Variants in RORA observed in about 807,000 individuals in gnomAD.
RORA encodes the protein RAR related orphan receptor A, also known as nuclear receptor ROR-alpha.
A neutral mutation model predicts 69.5 loss-of-function variants in RORA; 7 were observed. The observed-to-expected ratio is 0.10, with a 90% CI of 0.06 to 0.19. The LOEUF is 0.19. Among genes scored for constraint, RORA ranks in the 10% least tolerant of loss-of-function variants. RORA has a pLI of 1.00. For missense variants in RORA, 457 were observed against 663.0 expected (o/e 0.69, Z 3.41); for synonymous variants, 261 against 240.8 (o/e 1.08, Z -0.78).
intron 2 of RORA, among the ~76,000 whole-genome samples, chr15:60,555,939 A>G (rs1018743434): frequency 2.0e-5 from 3 of 152,044 alleles, no homozygotes; most frequent in Non-Finnish European, 4.4e-5. Flanking sequence ...TACTCCTGAT[A>G]TTTGTAAGTG....
At chr15:60,842,902 T>A (rs765003668) in intron 1 of RORA, among the ~76,000 whole-genome samples, 2 of 152,172 alleles carry the variant, frequency 1.3e-5, no homozygotes. Flanking sequence ...GCCCGCCACA[T>A]CTGCTGAGTG....
At chr15:60,957,940 C>T (rs1893315401) in intron 1 of RORA, among the ~76,000 whole-genome samples, 1 of 138,606 alleles carries the variant, frequency 7.2e-6, no homozygotes, top group Non-Finnish European at 1.5e-5. Flanking sequence ...ACCTATGAGG[C>T]ATGCTTGATT....
chr15:60,992,202 C>CG (rs533532465), intron 1 of RORA, among the ~76,000 whole-genome samples: 1 of 152,188 alleles, frequency 6.6e-6, no homozygotes, highest in African/African-American at 2.4e-5. Flanking sequence ...AGAAGGCCCA[C>CG]GGGTTTGGAA....
chr15:60,948,357 T>C (rs979494511), intron 1 of RORA, among the ~76,000 whole-genome samples: 2 of 152,146 alleles, frequency 1.3e-5, no homozygotes, highest in African/African-American at 2.4e-5. Context: ...AAGAAATAAA[T>C]ACATTTTTTC....
intron 1 of RORA, among the ~76,000 whole-genome samples, chr15:61,000,846 C>A (rs1419934562): frequency 6.6e-6 from 1 of 152,054 alleles, no homozygotes; most frequent in Non-Finnish European, 1.5e-5. Context: ...CTGGGTGGAC[C>A]CAGCTTGTCA....
intron 1 of RORA, among the ~76,000 whole-genome samples, chr15:60,743,249 A>T (rs975045082): frequency 6.6e-6 from 1 of 151,904 alleles, no homozygotes; most frequent in Non-Finnish European, 1.5e-5. Flanking sequence ...TCCTTACCTC[A>T]AGTGATCCGA....
At chr15:60,561,068 T>TG (rs1031426437) in intron 2 of RORA, among the ~76,000 whole-genome samples, 6 of 132,320 alleles carry the variant, frequency 4.5e-5, no homozygotes, top group South Asian at 2.1e-4. Context: ...TTTTTTTTTT[T>TG]TTGTTTTGTT....
At chr15:60,551,812 A>C (rs978828452) in intron 2 of RORA, among the ~76,000 whole-genome samples, 1 of 152,192 alleles carries the variant, frequency 6.6e-6, no homozygotes, top group African/African-American at 2.4e-5. Flanking sequence ...GACTGTCCTA[A>C]GGTTACCAAG....
chr15:60,593,083 C>T, intron 2 of RORA: 1 of 362,640 alleles, frequency 2.8e-6, no homozygotes, highest in South Asian at 2.0e-5. Flanking sequence ...CCACTGGGAC[C>T]GTCCGGGGAG....
At chr15:60,771,075 C>T (rs560172074) in intron 1 of RORA, among the ~76,000 whole-genome samples, 2 of 152,310 alleles carry the variant, frequency 1.3e-5, no homozygotes, top group East Asian at 3.9e-4. Flanking sequence ...AATCTGGCAA[C>T]CCTATCCATA....
chr15:60,992,554 G>A (rs994729222), intron 1 of RORA, among the ~76,000 whole-genome samples: 1 of 152,140 alleles, frequency 6.6e-6, no homozygotes, highest in Admixed American at 6.5e-5. Context: ...AGATATAGAT[G>A]GCAAGCTACC....
chr15:61,152,625 G>A (rs2079407290), intron 1 of RORA, among the ~76,000 whole-genome samples: 1 of 151,964 alleles, frequency 6.6e-6, no homozygotes, highest in South Asian at 2.1e-4. Flanking sequence ...CTAGGTGCCG[G>A]GGCATTTAGT....
chr15:61,074,913 C>T (rs1279696377), intron 1 of RORA, among the ~76,000 whole-genome samples: 1 of 151,882 alleles, frequency 6.6e-6, no homozygotes, highest in Non-Finnish European at 1.5e-5. Context: ...ATGATGAAAT[C>T]CCGTCTCTAC....
At chr15:60,774,599 A>G (rs2072132965) in intron 1 of RORA, among the ~76,000 whole-genome samples, 1 of 152,214 alleles carries the variant, frequency 6.6e-6, no homozygotes, top group Non-Finnish European at 1.5e-5. Context: ...TCTTAGTGGT[A>G]TTTGGGAGTC....
At chr15:61,022,350 A>G (rs1048979042) in intron 1 of RORA, among the ~76,000 whole-genome samples, 6 of 152,236 alleles carry the variant, frequency 3.9e-5, no homozygotes, top group Admixed American at 3.9e-4. Context: ...GAAAAAATGT[A>G]TATGAGTAGA....
intron 2 of RORA, among the ~76,000 whole-genome samples, chr15:60,666,816 G>C (rs2140728085): frequency 1.3e-5 from 2 of 152,294 alleles, no homozygotes; most frequent in South Asian, 4.2e-4. Flanking sequence ...CCTGAAAAGA[G>C]CAGTGGAAAG....
At chr15:60,650,939 T>C (rs2070133763) in intron 2 of RORA, among the ~76,000 whole-genome samples, 1 of 152,172 alleles carries the variant, frequency 6.6e-6, no homozygotes, top group African/African-American at 2.4e-5. Context: ...CCCAAAGTTA[T>C]ACAATAAATA....
intron 2 of RORA, among the ~76,000 whole-genome samples, chr15:60,536,225 A>G (rs2066673744): frequency 6.6e-6 from 1 of 152,216 alleles, no homozygotes; most frequent in Non-Finnish European, 1.5e-5. Context: ...CATACCATAT[A>G]TATGATATCT....
chr15:60,783,628 C>G (rs1385683756), intron 1 of RORA, among the ~76,000 whole-genome samples: 1 of 152,216 alleles, frequency 6.6e-6, no homozygotes, highest in African/African-American at 2.4e-5. Context: ...AGTCTCTGGT[C>G]TAAGTCAGGT....
Sources: gnomAD v4.1 joint callset for allele counts (sites outside exome capture counted in the v4.1 genomes callset) on GRCh38, gnomAD v4.1.1 for gene constraint, MANE v1.5 for transcripts, NCBI Gene and HGNC (gene_info 2026-07-23, HGNC 2026-07-21) for gene names.